Variants in KIAA1328 observed in about 807,000 individuals in gnomAD.
KIAA1328 encodes the protein KIAA1328, also known as protein hinderin.
Under a neutral mutation model 68.1 loss-of-function variants are expected in KIAA1328, and 52 were observed. The ratio of observed to expected loss-of-function variants is 0.76; its 90% confidence interval spans 0.61 to 0.96. The LOEUF (loss-of-function observed/expected upper bound fraction) is 0.96, where lower values mean the gene tolerates loss of function less well. Ranked by LOEUF, KIAA1328 falls within the 40% of genes least tolerant of loss-of-function variation. The probability of loss-of-function intolerance (pLI) is 0.00; values close to 1 mark genes in which losing one functional copy is unlikely to be tolerated. For missense variants in KIAA1328, 641 were observed against 677.6 expected (o/e 0.95, Z 0.60); for synonymous variants, 232 against 239.4 (o/e 0.97, Z 0.28).
intron 6 of KIAA1328, among the ~76,000 whole-genome samples, chr18:37,007,561 G>A (rs2053827181): frequency 6.6e-6 from 1 of 152,064 alleles, no homozygotes; most frequent in Non-Finnish European, 1.5e-5. Flanking sequence ...AAGTGCCTGT[G>A]GTTTTCCAAG....
chr18:37,105,068 AAG>A (rs1021983691), intron 7 of KIAA1328, among the ~76,000 whole-genome samples: 1 of 152,218 alleles, frequency 6.6e-6, no homozygotes, highest in African/African-American at 2.4e-5. Flanking sequence ...CTCGGGCAAA[AAG>A]AGAAAATTCT....
intron 4 of KIAA1328, among the ~76,000 whole-genome samples, chr18:36,861,171 C>A (rs1034536924): frequency 6.6e-6 from 1 of 152,016 alleles, no homozygotes; most frequent in Non-Finnish European, 1.5e-5. Context: ...TTTATCTTGC[C>A]TTCCAAGTCT....
At chr18:37,131,022 C>T (rs1033418672) in intron 7 of KIAA1328, among the ~76,000 whole-genome samples, 6 of 152,030 alleles carry the variant, frequency 3.9e-5, no homozygotes, top group Non-Finnish European at 7.4e-5. Flanking sequence ...TTACTCATCA[C>T]GTCAAATCTT....
At chr18:37,080,890 C>CTTG (rs1253424864) in intron 7 of KIAA1328, among the ~76,000 whole-genome samples, 2 of 151,466 alleles carry the variant, frequency 1.3e-5, no homozygotes, top group Non-Finnish European at 2.9e-5. Context: ...CATCCTAAAA[C>CTTG]AAAGTTCTTT....
At chr18:37,205,863 G>A (rs1203390886) in intron 9 of KIAA1328, among the ~76,000 whole-genome samples, 7 of 152,118 alleles carry the variant, frequency 4.6e-5, no homozygotes, top group Non-Finnish European at 2.9e-5. Context: ...GTCTAATATT[G>A]GGTAAAGGTT....
chr18:37,092,602 A>G (rs115335787), intron 7 of KIAA1328, among the ~76,000 whole-genome samples: 92 of 152,020 alleles, frequency 6.1e-4, no homozygotes, highest in African/African-American at 2.1e-3. Flanking sequence ...AGATTGGTCT[A>G]CTATACCCAC....
intron 9 of KIAA1328, among the ~76,000 whole-genome samples, chr18:37,187,854 T>C (rs981511272): frequency 6.6e-6 from 1 of 152,172 alleles, no homozygotes; most frequent in Non-Finnish European, 1.5e-5. Flanking sequence ...ATGTCTACCT[T>C]ACAGAAGTCA....
At chr18:37,102,875 T>A (rs1019254956) in intron 7 of KIAA1328, among the ~76,000 whole-genome samples, 1 of 152,062 alleles carries the variant, frequency 6.6e-6, no homozygotes. Flanking sequence ...AAACAAATAC[T>A]GTACTGTACA....
chr18:37,165,660 C>T (rs912690881), intron 8 of KIAA1328, among the ~76,000 whole-genome samples: 3 of 148,760 alleles, frequency 2.0e-5, no homozygotes, highest in South Asian at 2.1e-4. Context: ...GGCATGATCT[C>T]GGCTCACCAC....
intron 6 of KIAA1328, among the ~76,000 whole-genome samples, chr18:37,033,081 T>C (rs995538667): frequency 8.5e-5 from 13 of 152,274 alleles, no homozygotes; most frequent in African/African-American, 3.1e-4. Context: ...TGATGTTGCA[T>C]GCGTTTATAA....
At chr18:37,069,965 A>G (rs1197897045) in intron 7 of KIAA1328, among the ~76,000 whole-genome samples, 1 of 152,102 alleles carries the variant, frequency 6.6e-6, no homozygotes, top group Non-Finnish European at 1.5e-5. Context: ...TTAGTGCTCT[A>G]AATTCCCTTC....
At chr18:37,206,214 C>T (rs1272374019) in intron 9 of KIAA1328, among the ~76,000 whole-genome samples, 1 of 152,022 alleles carries the variant, frequency 6.6e-6, no homozygotes, top group African/African-American at 2.4e-5. Flanking sequence ...GTGAGCCTAC[C>T]TGGAATTCTA....
At chr18:36,910,942 C>T (rs962032598) in intron 5 of KIAA1328, among the ~76,000 whole-genome samples, 3 of 152,042 alleles carry the variant, frequency 2.0e-5, no homozygotes, top group Non-Finnish European at 4.4e-5. Flanking sequence ...TAATCCACCT[C>T]CTAGCTGCCC....
intron 6 of KIAA1328, among the ~76,000 whole-genome samples, chr18:36,997,115 A>C (rs577619603): frequency 1.3e-4 from 20 of 152,238 alleles, no homozygotes; most frequent in African/African-American, 4.8e-4. Context: ...ACCTGTGAAA[A>C]AAAAAATTAC....
At chr18:37,210,170 G>A (rs569209724) in intron 9 of KIAA1328, among the ~76,000 whole-genome samples, 2 of 152,314 alleles carry the variant, frequency 1.3e-5, no homozygotes, top group Admixed American at 6.5e-5. Context: ...ATGTGCTAAT[G>A]TTCTTGGACA....
chr18:36,951,399 A>G (rs1470665394), intron 5 of KIAA1328, among the ~76,000 whole-genome samples: 1 of 152,162 alleles, frequency 6.6e-6, no homozygotes, highest in Non-Finnish European at 1.5e-5. Context: ...TATGTAGGCT[A>G]AGGAATTCAG....
intron 4 of KIAA1328, among the ~76,000 whole-genome samples, chr18:36,863,378 T>C (rs963116802): frequency 6.6e-6 from 1 of 152,142 alleles, no homozygotes; most frequent in African/African-American, 2.4e-5. Context: ...TCTGTTCCAC[T>C]GGCCTATGTG....
intron 2 of KIAA1328, among the ~76,000 whole-genome samples, chr18:36,834,849 A>G (rs2046619032): frequency 6.6e-6 from 1 of 152,160 alleles, no homozygotes; most frequent in African/African-American, 2.4e-5. Context: ...AATGTGACTT[A>G]TGAATATTTA....
intron 5 of KIAA1328, among the ~76,000 whole-genome samples, chr18:36,932,028 T>A (rs1386665755): frequency 6.6e-6 from 1 of 152,160 alleles, no homozygotes; most frequent in African/African-American, 2.4e-5. Flanking sequence ...GCCTTTTCCA[T>A]ACTTTCTATC....
Sources: allele counts gnomAD v4.1 joint callset (sites outside exome capture counted in the v4.1 genomes callset), GRCh38; gene constraint gnomAD v4.1.1; transcripts MANE v1.5; gene names NCBI Gene and HGNC (gene_info 2026-07-23, HGNC 2026-07-21).